Variants in ATP8A1 observed in about 807,000 individuals in gnomAD.
ATP8A1 encodes ATPase phospholipid transporting 8A1, also known as phospholipid-transporting ATPase IA.
In ATP8A1, 90 loss-of-function variants were observed where a neutral mutation model predicts 177.7. The ratio of observed to expected loss-of-function variants is 0.51; its 90% CI spans 0.43 to 0.60. ATP8A1 has a LOEUF of 0.60. Ranked by LOEUF, ATP8A1 falls within the 20% of genes least tolerant of loss-of-function variation. ATP8A1 has a pLI of 0.00. For synonymous variants in ATP8A1, 493 were observed against 485.9 expected, an observed-to-expected ratio of 1.01 and a Z score of -0.19; for missense variants, 1,072 against 1,392.8, an observed-to-expected ratio of 0.77 and a Z score of 3.67.
intron 4 of ATP8A1, among the ~76,000 whole-genome samples, chr4:42,622,256 C>T (rs896596364): frequency 2.0e-5 from 3 of 151,258 alleles, no homozygotes; most frequent in Non-Finnish European, 4.4e-5. Flanking sequence ...GTGGTGGGAG[C>T]CTGTAATCCC....
chr4:42,519,924 T>A (rs1156471067), intron 22 of ATP8A1, among the ~76,000 whole-genome samples: 1 of 152,222 alleles, frequency 6.6e-6, no homozygotes, highest in African/African-American at 2.4e-5. Flanking sequence ...CATATATAGA[T>A]GCATGTGTAT....
intron 15 of ATP8A1, among the ~76,000 whole-genome samples, chr4:42,559,666 G>C (rs781368959): frequency 1.3e-5 from 2 of 152,118 alleles, no homozygotes; most frequent in Non-Finnish European, 2.9e-5. Context: ...TTTATACTTT[G>C]CAGTACTTGT....
intron 23 of ATP8A1, among the ~76,000 whole-genome samples, chr4:42,506,499 GAC>G (rs1409914884): frequency 6.6e-6 from 1 of 152,158 alleles, no homozygotes; most frequent in Admixed American, 6.5e-5. Flanking sequence ...AACGGACTAA[GAC>G]AGCACTGTAA....
chr4:42,450,959 G>T (rs576832130), intron 30 of ATP8A1, among the ~76,000 whole-genome samples: 1 of 152,344 alleles, frequency 6.6e-6, no homozygotes, highest in Non-Finnish European at 1.5e-5. Context: ...GGTGGTGGCT[G>T]CTCTTTTGGA....
chr4:42,552,531 T>C lies in ATP8A1; in HGVS notation c.1493A>G (p.Lys498Arg), dbSNP rs376344210. The change falls in exon 17 of 37, where the codon AAG becomes AGG. Residue 498 changes from lysine to arginine, a missense_variant. Lys to Arg is a conservative substitution (Grantham distance 26, BLOSUM62 2). Around this residue, in one of 5 missense-constraint regions of ATP8A1, gnomAD observed 388 missense variants for 471.7 expected, o/e 0.82. Coordinates refer to ENST00000381668, the MANE Select transcript of ATP8A1 (RefSeq NM_006095.2). Reference protein sequence around the residue: ...HTAVPEREGDKIIYQAASPDE... With the variant: ...HTAVPEREGDRIIYQAASPDE... ...TGGAGATGCTGCTTGATAAATAATCTTGTCACCTTCTCGCTCTGGCACTGC... is the reference window on the plus strand; with the variant it reads ...TGGAGATGCTGCTTGATAAATAATCCTGTCACCTTCTCGCTCTGGCACTGC... The C allele has an allele frequency of 1.6e-4, 266 of 1,612,868 alleles. 1 individual carries two copies. In the South Asian group the frequency reaches 2.6e-3, roughly 16 times the overall value.
chr4:42,440,636 A>T (rs189659409), intron 33 of ATP8A1, among the ~76,000 whole-genome samples: 70 of 152,212 alleles, frequency 4.6e-4, no homozygotes, highest in Middle Eastern at 3.4e-3. Context: ...ATTGAAAAAA[A>T]ATATATATAT....
At chr4:42,649,872 C>G (rs1223250077) in intron 1 of ATP8A1, among the ~76,000 whole-genome samples, 2 of 152,126 alleles carry the variant, frequency 1.3e-5, no homozygotes, top group Non-Finnish European at 2.9e-5. Flanking sequence ...TACTATGTGC[C>G]AGGCAATGTC....
intron 29 of ATP8A1, among the ~76,000 whole-genome samples, chr4:42,453,105 C>A (rs533256285): frequency 6.6e-6 from 1 of 152,298 alleles, no homozygotes; most frequent in African/African-American, 2.4e-5. Context: ...CAGGTGGGTG[C>A]AAGAAAAATT....
rs527543610 is a variant in ATP8A1 at position 42,616,192 on chromosome 4, T to A, written c.364-114A>T. ...TATGTTTCTCAAGGTTTTTATCATT[T>A]CTCATTCATGTCAATGTTAAAGTAT... On this transcript the variant is annotated intron_variant, in intron 4 of 36. Transcript: ENST00000381668. The A allele has an allele frequency of 1.2e-3, 1,018 of 875,744 alleles. 1 individual carries two copies. The highest frequency in any genetic ancestry group is 2.0e-3 in the Admixed American group (80 of 40,708). The allele number at this position is 875,744 out of a possible 1,614,324, so 54.2% of individuals were successfully genotyped here.
intron 25 of ATP8A1, among the ~76,000 whole-genome samples, chr4:42,475,153 G>A (rs1720907182): frequency 6.6e-6 from 1 of 152,132 alleles, no homozygotes; most frequent in African/African-American, 2.4e-5. Context: ...CCCAAGCAGT[G>A]TGGATTCAGA....
chr4:42,604,311 T>G (rs1046591779), intron 5 of ATP8A1, among the ~76,000 whole-genome samples: 1 of 152,180 alleles, frequency 6.6e-6, no homozygotes, highest in Non-Finnish European at 1.5e-5. Context: ...TACTGTATAC[T>G]TAATTAAACA....
chr4:42,559,123 C>T (rs1453965686), intron 15 of ATP8A1, among the ~76,000 whole-genome samples: 4 of 152,094 alleles, frequency 2.6e-5, no homozygotes, highest in African/African-American at 7.2e-5. Context: ...GAGTTTGGGG[C>T]TGCAGCGAGC....
chr4:42,511,273 G>A lies in ATP8A1; in HGVS notation c.1948-4119C>T, dbSNP rs142283856. ...CTAGAAAAAAAGATTTGAACTTTGC[G>A]TGCTTTTCCTGATCATAACACAAGA... On this transcript the variant is annotated intron_variant, in intron 22 of 36. Transcript: ENST00000381668. Among the ~76,000 whole-genome samples the A allele has an allele frequency of 2.3e-3, 351 of 152,176 alleles. 1 individual carries two copies. The highest frequency in any genetic ancestry group is 4.3e-3 in the Non-Finnish European group (291 of 67,996).
chr4:42,629,867 G>C (rs1310843993), intron 1 of ATP8A1, among the ~76,000 whole-genome samples: 1 of 152,162 alleles, frequency 6.6e-6, no homozygotes, highest in Non-Finnish European at 1.5e-5. Context: ...GCAGAAATGG[G>C]CAACTTAGGT....
At chr4:42,598,061 T>C (rs2109391162) in intron 6 of ATP8A1, among the ~76,000 whole-genome samples, 1 of 152,262 alleles carries the variant, frequency 6.6e-6, no homozygotes, top group East Asian at 1.9e-4. Flanking sequence ...GCAGTTTTTG[T>C]TGTGTATTTG....
chr4:42,499,489 A>G (rs1723604688), intron 24 of ATP8A1, among the ~76,000 whole-genome samples: 1 of 152,208 alleles, frequency 6.6e-6, no homozygotes, highest in Non-Finnish European at 1.5e-5. Context: ...GACTCAAGAC[A>G]GTCAATTTTG....
intron 20 of ATP8A1, 45 bp from the exon 21 acceptor site, chr4:42,524,892 G>A: frequency 7.5e-7 from 1 of 1,339,938 alleles, no homozygotes; most frequent in Non-Finnish European, 1.0e-6. Context: ...AAGCATTCTG[G>A]GTTTAATAAA....
At chr4:42,417,527 T>C (rs1340325443) in intron 35 of ATP8A1, among the ~76,000 whole-genome samples, 2 of 152,140 alleles carry the variant, frequency 1.3e-5, no homozygotes, top group South Asian at 2.1e-4. Context: ...CACTAAAATG[T>C]TGCAATTTAA....
At chr4:42,585,920 T>C (rs1357980052) in intron 9 of ATP8A1, among the ~76,000 whole-genome samples, 2 of 152,140 alleles carry the variant, frequency 1.3e-5, no homozygotes, top group Admixed American at 1.3e-4. Context: ...TCCAGTACAA[T>C]AGACCCCTTG....
Sources: gnomAD v4.1 joint callset for allele counts (sites outside exome capture counted in the v4.1 genomes callset) on GRCh38, gnomAD v4.1.1 for gene constraint, gnomAD v4.1.1 regional missense constraint, MANE v1.5 for transcripts, NCBI Gene and HGNC (gene_info 2026-07-23, HGNC 2026-07-21) for gene names.